Variants in ANKMY1 observed in about 807,000 individuals in gnomAD.
ANKMY1 encodes ankyrin repeat and MYND domain containing 1.
ANKMY1 carries 98 observed loss-of-function variants against 102.0 expected under a neutral mutation model. That is an observed-to-expected ratio of 0.96 (90% CI 0.82 to 1.14). The LOEUF is 1.14. ANKMY1 is among the 50% of genes most tolerant of loss of function. The pLI, the probability that ANKMY1 is intolerant of heterozygous loss-of-function variation, is 0.00. For synonymous variants in ANKMY1, 582 were observed against 559.9 expected (o/e 1.04, Z -0.56); for missense variants, 1,330 against 1,347.6 (o/e 0.99, Z 0.20).
chr2:240,473,799 T>C, the ANKMY1 span, among the ~76,000 whole-genome samples: 21 of 152,260 alleles, frequency 1.4e-4, no homozygotes, highest in African/African-American at 5.1e-4. Context: ...GAAAAAGTAT[T>C]TGACAAAATT....
intron 15 of ANKMY1, among the ~76,000 whole-genome samples, chr2:240,498,237 G>T (rs2077528141): frequency 1.3e-5 from 2 of 150,788 alleles, no homozygotes; most frequent in Non-Finnish European, 3.0e-5. Flanking sequence ...TGTAAGGCAT[G>T]GGTGGCAGTG....
intron 2 of ANKMY1, 80 bp downstream of exon 2, chr2:240,557,110 C>CAGT (rs2092429354): frequency 2.2e-6 from 3 of 1,361,500 alleles, no homozygotes; most frequent in East Asian, 2.7e-5. Flanking sequence ...GGGATTTTTA[C>CAGT]TGCTTGCCTT....
chr2:240,523,728 G>T (rs755281871), intron 8 of ANKMY1, 157 bp downstream of exon 8: 2 of 1,249,084 alleles, frequency 1.6e-6, no homozygotes, highest in Non-Finnish European at 2.2e-6. Context: ...GCTGGCCATG[G>T]CGTGGAGCCA....
At chr2:240,494,023 G>A (rs1440880315) in intron 15 of ANKMY1, among the ~76,000 whole-genome samples, 1 of 152,156 alleles carries the variant, frequency 6.6e-6, no homozygotes, top group African/African-American at 2.4e-5. Flanking sequence ...GCCTGCAAGT[G>A]GTGCTGGCAG....
At chr2:240,551,135 A>G (rs2091444461) in intron 4 of ANKMY1, among the ~76,000 whole-genome samples, 1 of 149,724 alleles carries the variant, frequency 6.7e-6, no homozygotes, top group African/African-American at 2.5e-5. Flanking sequence ...CTAACAGAAC[A>G]CTGGAATGCT....
intron 15 of ANKMY1, among the ~76,000 whole-genome samples, chr2:240,488,052 A>T (rs1188222597): frequency 3.9e-5 from 6 of 152,134 alleles, no homozygotes; most frequent in African/African-American, 7.2e-5. Flanking sequence ...CTTTGCCTAG[A>T]TCAATGTCCA....
chr2:240,512,071 A>G (rs1480831856), intron 10 of ANKMY1, 70 bp from the exon 11 acceptor site: 1 of 1,460,288 alleles, frequency 6.8e-7, no homozygotes, highest in Non-Finnish European at 9.0e-7. Flanking sequence ...CAAACGGAGC[A>G]AGGGAGCTTC....
At chr2:240,501,033 T>A (rs2078092804) in intron 13 of ANKMY1, among the ~76,000 whole-genome samples, 1 of 151,912 alleles carries the variant, frequency 6.6e-6, no homozygotes, top group Admixed American at 6.6e-5. Context: ...GGGGGGCCAG[T>A]GTGTGTGCAT....
chr2:240,526,425 C>A lies in ANKMY1; in HGVS notation c.974G>T (p.Ser325Ile), dbSNP rs746307487. The A allele has an allele frequency of 6.2e-7, 1 of 1,614,150 alleles. No homozygotes were observed. Among genetic ancestry groups the A allele is most frequent in the South Asian group, 1.1e-5 (1 of 91,086 alleles). The change falls in exon 6 of 18, where the codon AGC (serine) becomes ATC (isoleucine). Residue 325 changes from serine (S) to isoleucine (I), a missense_variant. Transcript: ENST00000401804. The stretch of plus-strand genomic sequence containing the variant: ...CTCCAGGATGGCGCCCATGTTCCAG[C>A]TGGTGTGAGCTGGCTTGTTCCTGGC... ...YKFRNKPAHTSWNMGAILEGK... is the reference protein window; with the variant it reads ...YKFRNKPAHTIWNMGAILEGK...
chr2:240,544,692 T>C (rs570914872), intron 4 of ANKMY1, among the ~76,000 whole-genome samples: 1 of 145,964 alleles, frequency 6.9e-6, no homozygotes, highest in East Asian at 1.9e-4. Context: ...ATTGCCTCAC[T>C]CAGGAAGCGC....
intron 7 of ANKMY1, 101 bp from the exon 8 acceptor site, chr2:240,524,482 T>C: frequency 7.5e-7 from 1 of 1,333,040 alleles, no homozygotes; most frequent in Non-Finnish European, 1.0e-6. Context: ...CCTAGAGCTG[T>C]CTTCAAAGCA....
intron 13 of ANKMY1, 81 bp downstream of exon 13, chr2:240,507,479 A>C: frequency 7.4e-7 from 1 of 1,347,938 alleles, no homozygotes; most frequent in Non-Finnish European, 9.8e-7. Flanking sequence ...AGGGCCACCC[A>C]GCCCTCACAC....
At chr2:240,509,288 G>A in intron 12 of ANKMY1, 60 bp downstream of exon 12, 1 of 1,362,082 alleles carries the variant, frequency 7.3e-7, no homozygotes, top group South Asian at 1.3e-5. Flanking sequence ...GACTGGTGGG[G>A]TGGGCACTGG....
intron 4 of ANKMY1, among the ~76,000 whole-genome samples, chr2:240,549,078 C>T (rs1333003653): frequency 6.6e-6 from 1 of 151,010 alleles, no homozygotes; most frequent in Non-Finnish European, 1.5e-5. Context: ...GCCAAAAGAA[C>T]AAAGCTGGAG....
At chr2:240,533,355 T>A (rs181659053) in intron 4 of ANKMY1, among the ~76,000 whole-genome samples, 1 of 152,178 alleles carries the variant, frequency 6.6e-6, no homozygotes, top group African/African-American at 2.4e-5. Context: ...TACTATGAGA[T>A]GTACATGGTC....
chr2:240,503,746 A>G (rs1186788249), intron 13 of ANKMY1, among the ~76,000 whole-genome samples: 1 of 152,212 alleles, frequency 6.6e-6, no homozygotes, highest in Non-Finnish European at 1.5e-5. Flanking sequence ...TGGGTCCCCT[A>G]AAAAGGTAAG....
rs1462427779 is a variant in ANKMY1, at chr2:240,499,147, T to C, written c.2806+811A>G. Reference sequence around the variant, plus strand: ...ACTGTGTGAGGCTGCAGGAGGCTACTGCATGCTGAGGGCTCGGTGTGGGGG... The same window carrying C: ...ACTGTGTGAGGCTGCAGGAGGCTACCGCATGCTGAGGGCTCGGTGTGGGGG... On this transcript the variant is annotated intron_variant, in intron 15 of 17. Transcript: ENST00000401804. This position sits in a 1 kb window ranked among gnomAD's most constrained non-coding sequence, Gnocchi z 4.2. Among the ~76,000 whole-genome samples the C allele has an allele frequency of 2.0e-5, 3 of 152,064 alleles. No homozygotes were observed. Among genetic ancestry groups the C allele is most frequent in the Non-Finnish European group, 4.4e-5 (3 of 67,994 alleles).
At chr2:240,551,967 T>G (rs2091602214) in intron 4 of ANKMY1, among the ~76,000 whole-genome samples, 1 of 152,242 alleles carries the variant, frequency 6.6e-6, no homozygotes, top group South Asian at 2.1e-4. Context: ...TCAGAAAGTA[T>G]CAAAGAACTG....
chr2:240,475,730 A>G (rs2074810189), downstream of ANKMY1, among the ~76,000 whole-genome samples: 1 of 151,954 alleles, frequency 6.6e-6, no homozygotes, highest in South Asian at 2.1e-4. Context: ...TAATGAATTC[A>G]TTATTACGTC....
Sources: allele counts gnomAD v4.1 joint callset (sites outside exome capture counted in the v4.1 genomes callset), GRCh38; gene constraint gnomAD v4.1.1; non-coding constraint Gnocchi (gnomAD v3.1); transcripts MANE v1.5; gene names NCBI Gene and HGNC (gene_info 2026-07-23, HGNC 2026-07-21).